Variants in DGKG observed in about 807,000 individuals in gnomAD.
The protein encoded by DGKG is diacylglycerol kinase gamma, also known as DAG kinase gamma.
In DGKG, 78 loss-of-function variants were observed where a neutral mutation model predicts 105.3. The observed-to-expected ratio is 0.74, with a 90% CI of 0.62 to 0.89. The LOEUF (loss-of-function observed/expected upper bound fraction) is 0.89. DGKG is among the 40% of genes least tolerant of loss of function. DGKG has a pLI of 0.00. For synonymous variants in DGKG, 346 were observed against 367.1 expected, an observed-to-expected ratio of 0.94 and a Z score of 0.66; for missense variants, 958 against 1,020.1, an observed-to-expected ratio of 0.94 and a Z score of 0.83.
chr3:186,239,404 A>G (rs77920183), intron 20 of DGKG, among the ~76,000 whole-genome samples: 41 of 152,228 alleles, frequency 2.7e-4, no homozygotes, highest in African/African-American at 8.2e-4. Flanking sequence ...CTGGGTATCA[A>G]GCTTTCTTCC....
intron 16 of DGKG, among the ~76,000 whole-genome samples, chr3:186,259,501 T>C (rs1721649654): frequency 1.3e-5 from 2 of 152,144 alleles, no homozygotes; most frequent in African/African-American, 4.8e-5. Flanking sequence ...AACTGGGCCT[T>C]GTACTACCGC....
At chr3:186,174,691 T>A (rs1716991308) in intron 22 of DGKG, among the ~76,000 whole-genome samples, 7 of 105,410 alleles carry the variant, frequency 6.6e-5, no homozygotes, top group Admixed American at 5.4e-4. Flanking sequence ...TGTGTGTGTG[T>A]GTGTGTGTTG....
intron 1 of DGKG, among the ~76,000 whole-genome samples, chr3:186,347,537 A>G (rs1036639503): frequency 6.6e-6 from 1 of 150,666 alleles, no homozygotes; most frequent in Non-Finnish European, 1.5e-5. Context: ...CTTATTTTAT[A>G]CTTTTTATAT....
chr3:186,254,219 C>T (rs1234108035), intron 17 of DGKG, among the ~76,000 whole-genome samples: 4 of 152,032 alleles, frequency 2.6e-5, no homozygotes, highest in Non-Finnish European at 5.9e-5. Flanking sequence ...AATGTGATTG[C>T]GGCGTGAGGA....
chr3:186,337,676 C>T (rs998546698), intron 1 of DGKG, among the ~76,000 whole-genome samples: 1 of 151,956 alleles, frequency 6.6e-6, no homozygotes, highest in Non-Finnish European at 1.5e-5. Context: ...ATAGAAAAGG[C>T]AAATCTGTCA....
rs377747604 is a variant in DGKG at position 186,148,399 on chromosome 3, C to T, written c.*1691G>A. 18 of 985,280 alleles carry T rather than the reference C, an allele frequency of 1.8e-5. No homozygotes were observed. The highest frequency in any genetic ancestry group is 2.0e-5 in the Non-Finnish European group (17 of 829,944). The allele number at this position is 985,280 out of a possible 1,614,324, so 61.0% of individuals were successfully genotyped here. A position where few individuals can be genotyped will look rare whatever the true frequency, so the allele number is the denominator to read the frequency against. On this transcript the variant is annotated 3_prime_UTR_variant, in exon 25 of 25. Transcript: ENST00000265022. ...AGTCTGATGATCTGTTTAGTACCTT[C>T]GATCTCAGACCAACTTCTTTTCCAT...
At chr3:186,354,609 T>C (rs779326511) in intron 1 of DGKG, among the ~76,000 whole-genome samples, 1 of 152,252 alleles carries the variant, frequency 6.6e-6, no homozygotes, top group Non-Finnish European at 1.5e-5. Flanking sequence ...TGCCTCCATT[T>C]TTCACTTGGA....
chr3:186,245,117 G>C (rs543799741), intron 19 of DGKG, among the ~76,000 whole-genome samples: 6 of 152,240 alleles, frequency 3.9e-5, no homozygotes, highest in African/African-American at 1.4e-4. Context: ...TTGACTCCCA[G>C]CTTTTTTATT....
Position 186,149,650 on chromosome 3 carries a change from G to C in DGKG, c.*440C>G. The stretch of plus-strand genomic sequence containing the variant: ...GAGGGAACTTTGTGCAAATTCTCTG[G>C]AACCAGAGCTCCTTCCCTTGGCCAC... On this transcript the variant is annotated 3_prime_UTR_variant, in exon 25 of 25. Coordinates refer to ENST00000265022, the MANE Select transcript of DGKG (RefSeq NM_001346.3). The C allele has an allele frequency of 2.0e-6, 2 of 989,072 alleles. No homozygotes were observed. Among genetic ancestry groups the C allele is most frequent in the Middle Eastern group, 1.0e-3 (2 of 1,916 alleles). The allele number at this position is 989,072 out of a possible 1,614,324, so 61.3% of individuals were successfully genotyped here. A position where few individuals can be genotyped will look rare whatever the true frequency, so the allele number is the denominator to read the frequency against.
intron 20 of DGKG, among the ~76,000 whole-genome samples, chr3:186,227,004 A>G (rs898038894): frequency 3.9e-5 from 6 of 152,164 alleles, no homozygotes; most frequent in Non-Finnish European, 8.8e-5. Flanking sequence ...TCAAATTTAA[A>G]CACTCCTACA....
chr3:186,280,698 A>G lies in DGKG; in HGVS notation c.641T>C (p.Leu214Pro), dbSNP rs1722791604. The G allele has an allele frequency of 6.2e-7, 1 of 1,614,134 alleles. No homozygotes were observed. The highest frequency in any genetic ancestry group is 8.5e-7 in the Non-Finnish European group (1 of 1,179,988). Residue 214 changes from leucine to proline, a missense_variant, in exon 8 of 25, where the codon CTG (leucine) becomes CCG (proline). Transcript: ENST00000265022. ...CCTCAGCTCTGTGGGATCCCACTCC[A>G]GGTACTGGGCAATATGCAGCATTTG... ...VNQMLHIAQY[L>P]EWDPTELRPI...
At chr3:186,280,002 C>A in intron 8 of DGKG, 29 bp from the exon 9 acceptor site, 1 of 1,612,456 alleles carries the variant, frequency 6.2e-7, no homozygotes. Context: ...AATCATTGTC[C>A]ATTTTCATCA....
At chr3:186,212,643 C>T (rs996348251) in intron 20 of DGKG, among the ~76,000 whole-genome samples, 8 of 152,100 alleles carry the variant, frequency 5.3e-5, no homozygotes, top group Non-Finnish European at 1.2e-4. Flanking sequence ...ATGGGGTTCC[C>T]GTGTAGCTGG....
chr3:186,304,316 G>A (rs1262569994), intron 3 of DGKG, among the ~76,000 whole-genome samples: 1 of 152,216 alleles, frequency 6.6e-6, no homozygotes, highest in South Asian at 2.1e-4. Context: ...TTCTCCTCAG[G>A]AATGTTCTTT....
rs1487894833 is a variant in DGKG, at chr3:186,255,735, T to C, written c.1510+2119A>G. Among the ~76,000 whole-genome samples, 4 of 152,286 alleles carry C rather than the reference T, an allele frequency of 2.6e-5. No individual in the cohort carries two copies. In the East Asian group the frequency reaches 5.8e-4, roughly 22 times the overall value. On this transcript the variant is annotated intron_variant, in intron 17 of 24. Transcript: ENST00000265022. ...TAATGGAAGCCACTGGTGTGCTTTATGCACACCATGCACCCAGTGACATGC... is the reference window on the plus strand; with the variant it reads ...TAATGGAAGCCACTGGTGTGCTTTACGCACACCATGCACCCAGTGACATGC...
chr3:186,218,502 G>GAAAAA (rs10692822), intron 20 of DGKG, among the ~76,000 whole-genome samples: 6 of 70,378 alleles, frequency 8.5e-5, no homozygotes, highest in Non-Finnish European at 1.2e-4. Context: ...GACTCCGTCT[G>GAAAAA]AAAAAAAAAA....
chr3:186,236,041 G>A (rs988653957), intron 20 of DGKG, among the ~76,000 whole-genome samples: 4 of 152,132 alleles, frequency 2.6e-5, no homozygotes, highest in South Asian at 2.1e-4. Flanking sequence ...ACTGGACTTC[G>A]AATCTCTAGT....
chr3:186,260,216 C>G (rs1721696402), intron 16 of DGKG, among the ~76,000 whole-genome samples: 1 of 152,162 alleles, frequency 6.6e-6, no homozygotes, highest in African/African-American at 2.4e-5. Flanking sequence ...TTTTCTAGGA[C>G]AAGCTACAGG....
chr3:186,180,200 G>A (rs1461047175), intron 22 of DGKG, among the ~76,000 whole-genome samples: 3 of 152,156 alleles, frequency 2.0e-5, no homozygotes, highest in Non-Finnish European at 2.9e-5. Context: ...ATAAGGCAGG[G>A]AACATGGGTA....
Sources: allele counts gnomAD v4.1 joint callset (sites outside exome capture counted in the v4.1 genomes callset), GRCh38; gene constraint gnomAD v4.1.1; transcripts MANE v1.5; gene names NCBI Gene and HGNC (gene_info 2026-07-23, HGNC 2026-07-21).